CUX1: variants seen among roughly 807,000 people sequenced by gnomAD.
CUX1 encodes the protein cut like homeobox 1.
In CUX1, 31 loss-of-function variants were observed where a neutral mutation model predicts 158.8. The ratio of observed to expected loss-of-function variants is 0.20; its 90% confidence interval spans 0.15 to 0.26. The LOEUF (loss-of-function observed/expected upper bound fraction) is 0.26, where lower values mean the gene tolerates loss of function less well. CUX1 is among the 10% of genes least tolerant of loss of function. CUX1 has a pLI of 1.00. For synonymous variants in CUX1, 879 were observed against 862.1 expected, an observed-to-expected ratio of 1.02 and a Z score of -0.34; for missense variants, 1,589 against 2,014.6, an observed-to-expected ratio of 0.79 and a Z score of 4.04.
chr7:101,973,318 C>T (rs1008284389), intron 2 of CUX1, among the ~76,000 whole-genome samples: 4 of 152,172 alleles, frequency 2.6e-5, no homozygotes, highest in Admixed American at 2.0e-4. Flanking sequence ...CTGGACTCAT[C>T]TCACACTCAC....
At chr7:102,157,712 G>A (rs190391792) in intron 8 of CUX1, among the ~76,000 whole-genome samples, 17 of 152,140 alleles carry the variant, frequency 1.1e-4, no homozygotes, top group African/African-American at 3.9e-4. Flanking sequence ...CCCAGGAGGC[G>A]GAGGTTGCAG....
exon 21 of CUX1, chr7:102,281,859 A>G (rs1554549345): frequency 6.2e-7 from 1 of 1,613,314 alleles, no homozygotes; most frequent in Non-Finnish European, 8.5e-7. Context: ...GTTCTCTCCA[A>G]CAAGATGGCG....
Position 102,126,760 on chromosome 7 carries a change from G to A in CUX1, c.674+11487G>A, listed in dbSNP as rs147496872. On this transcript the variant is annotated intron_variant, in intron 8 of 23. Coordinates refer to ENST00000292535, the MANE Select transcript of CUX1 (RefSeq NM_181552.4). ...CATGGACCAGTGCAGTGGGGGGCGC[G>A]GTTCAGGATGATTCAAGCACGTTCT... Among the ~76,000 whole-genome samples, 766 of 152,212 alleles carry A rather than the reference G, an allele frequency of 5.0e-3. 5 individuals carry two copies. The highest frequency in any genetic ancestry group is 0.018 in the African/African-American group (727 of 41,526).
At chr7:102,276,046 T>C (rs1325656587) in intron 17 of CUX1, among the ~76,000 whole-genome samples, 1 of 151,972 alleles carries the variant, frequency 6.6e-6, no homozygotes, top group Non-Finnish European at 1.5e-5. Flanking sequence ...TTTAAGGCTG[T>C]ATAATATTTT....
chr7:102,139,711 G>A (rs1209718436), intron 8 of CUX1, among the ~76,000 whole-genome samples: 2 of 152,152 alleles, frequency 1.3e-5, no homozygotes, highest in Non-Finnish European at 2.9e-5. Flanking sequence ...TAGTGCAATG[G>A]CACAGTCATA....
At position 101,858,811 on chromosome 7, in the gene CUX1, A is replaced by G. The variant is rs116628160; in HGVS notation, c.30+41142A>G. Among the ~76,000 whole-genome samples the G allele has an allele frequency of 7.1e-3, 1,082 of 151,540 alleles. 11 individuals carry two copies. Among genetic ancestry groups the G allele is most frequent in the African/African-American group, 0.025 (1,033 of 41,282 alleles). On this transcript the variant is annotated intron_variant, in intron 1 of 23. Coordinates refer to ENST00000292535, the MANE Select transcript of CUX1 (RefSeq NM_181552.4). Reference sequence around the variant, plus strand: ...CTCCTGAGTAGCTGGGATTACACACACTCGCTACCATGCTCGGCTAATTTT... The same window carrying G: ...CTCCTGAGTAGCTGGGATTACACACGCTCGCTACCATGCTCGGCTAATTTT...
intron 3 of CUX1, 128 bp downstream of exon 3, chr7:102,028,273 C>T (rs1820283537): frequency 3.4e-6 from 3 of 874,918 alleles, no homozygotes; most frequent in Non-Finnish European, 5.3e-6. Flanking sequence ...TGCTCCGACC[C>T]AGCGTCATGC....
chr7:102,214,093 C>T (rs1214324329), intron 20 of CUX1, among the ~76,000 whole-genome samples: 3 of 151,874 alleles, frequency 2.0e-5, no homozygotes, highest in Admixed American at 2.0e-4. Flanking sequence ...GATCACGCCA[C>T]TGCACTCCAG....
intron 1 of CUX1, among the ~76,000 whole-genome samples, chr7:101,840,314 G>A (rs904968110): frequency 1.3e-5 from 2 of 152,172 alleles, no homozygotes; most frequent in African/African-American, 2.4e-5. Flanking sequence ...TTACATGGTG[G>A]TGGTGATAGA....
chr7:102,134,738 T>C (rs1200243422), intron 8 of CUX1, among the ~76,000 whole-genome samples: 2 of 151,976 alleles, frequency 1.3e-5, no homozygotes, highest in East Asian at 3.9e-4. Flanking sequence ...GCTGGGACTA[T>C]AGGCAAGTGC....
intron 2 of CUX1, among the ~76,000 whole-genome samples, chr7:102,006,488 C>G (rs1817395535): frequency 6.6e-6 from 1 of 152,146 alleles, no homozygotes; most frequent in South Asian, 2.1e-4. Context: ...CCTCCGCCTC[C>G]CGGGTTCAAG....
intron 1 of CUX1, among the ~76,000 whole-genome samples, chr7:101,837,996 C>T (rs1584713980): frequency 6.6e-6 from 1 of 152,058 alleles, no homozygotes; most frequent in African/African-American, 2.4e-5. Flanking sequence ...CCTCATTCTA[C>T]TCTATTAATT....
At chr7:101,978,162 C>T (rs1812952169) in intron 2 of CUX1, among the ~76,000 whole-genome samples, 1 of 152,104 alleles carries the variant, frequency 6.6e-6, no homozygotes, top group Non-Finnish European at 1.5e-5. Context: ...AAAATACCAT[C>T]CACAGAAGGA....
intron 21 of CUX1, among the ~76,000 whole-genome samples, chr7:102,232,479 G>C (rs1799109403): frequency 6.6e-6 from 1 of 152,176 alleles, no homozygotes; most frequent in Non-Finnish European, 1.5e-5. Context: ...CCAGCCCTCT[G>C]TCGTCTCCCT....
At chr7:101,915,956 C>G (rs1337576136) in intron 1 of CUX1, among the ~76,000 whole-genome samples, 159 bp from the exon 2 acceptor site, 1 of 152,080 alleles carries the variant, frequency 6.6e-6, no homozygotes, top group Non-Finnish European at 1.5e-5. Context: ...CATTTCTCTG[C>G]CTTCCCGCCA....
chr7:101,985,331 A>G (rs1814152444), intron 2 of CUX1, among the ~76,000 whole-genome samples: 1 of 151,792 alleles, frequency 6.6e-6, no homozygotes, highest in African/African-American at 2.4e-5. Context: ...CCTGTGGGGG[A>G]GACACAGACA....
intron 3 of CUX1, among the ~76,000 whole-genome samples, chr7:102,049,032 C>T (rs867820997): frequency 1.3e-5 from 2 of 152,222 alleles, no homozygotes; most frequent in East Asian, 1.9e-4. Context: ...GATCCTTCCT[C>T]GCTGGGGGAT....
At chr7:101,977,650 A>G (rs1382786219) in intron 2 of CUX1, among the ~76,000 whole-genome samples, 1 of 152,134 alleles carries the variant, frequency 6.6e-6, no homozygotes, top group African/African-American at 2.4e-5. Context: ...CTCAAAATAA[A>G]TAAATAACAT....
At chr7:101,833,289 C>T (rs1397224455) in intron 1 of CUX1, among the ~76,000 whole-genome samples, 1 of 151,240 alleles carries the variant, frequency 6.6e-6, no homozygotes, top group Non-Finnish European at 1.5e-5. Context: ...TGGCTCACAC[C>T]TGTGATACCA....
Sources: gnomAD v4.1 joint callset for allele counts (sites outside exome capture counted in the v4.1 genomes callset) on GRCh38, gnomAD v4.1.1 for gene constraint, MANE v1.5 for transcripts, NCBI Gene and HGNC (gene_info 2026-07-23, HGNC 2026-07-21) for gene names.